CFTR: variants seen among roughly 807,000 people sequenced by gnomAD.
CFTR encodes the protein CF transmembrane conductance regulator.
In CFTR, 181 loss-of-function variants were observed where a neutral mutation model predicts 171.6. That is an observed-to-expected ratio of 1.05 (90% CI 0.93 to 1.19). CFTR has a LOEUF of 1.19. CFTR is among the 50% of genes most tolerant of loss of function. CFTR has a pLI of 0.00. For synonymous variants in CFTR, 583 were observed against 608.0 expected (o/e 0.96, Z 0.60); for missense variants, 1,968 against 1,734.7 (o/e 1.13, Z -2.39).
At chr7:117,573,489 T>C (rs1791726038) in intron 11 of CFTR, among the ~76,000 whole-genome samples, 1 of 152,110 alleles carries the variant, frequency 6.6e-6, no homozygotes, top group Non-Finnish European at 1.5e-5. Context: ...GATGAGTAGC[T>C]CAAACATTAG....
chr7:117,663,987 C>G (rs1161600130), intron 24 of CFTR, among the ~76,000 whole-genome samples: 1 of 151,748 alleles, frequency 6.6e-6, no homozygotes, highest in Non-Finnish European at 1.5e-5. Context: ...TAATACAGCC[C>G]TCATATTCTA....
intron 24 of CFTR, among the ~76,000 whole-genome samples, chr7:117,658,897 A>T (rs1793222399): frequency 6.6e-6 from 1 of 151,820 alleles, no homozygotes; most frequent in Admixed American, 6.6e-5. Flanking sequence ...ATCTTTCCAA[A>T]CCCCACATCT....
At chr7:117,483,712 G>A (rs1261034017) in intron 1 of CFTR, among the ~76,000 whole-genome samples, 2 of 151,654 alleles carry the variant, frequency 1.3e-5, no homozygotes, top group Admixed American at 1.3e-4. Flanking sequence ...GTGTACAGGT[G>A]TGTACCACCA....
At chr7:117,658,844 C>T (rs1028392694) in intron 24 of CFTR, among the ~76,000 whole-genome samples, 12 of 152,190 alleles carry the variant, frequency 7.9e-5, no homozygotes, top group African/African-American at 2.9e-4. Context: ...TCATTTCCCT[C>T]ATTGACCCCC....
intron 5 of CFTR, 40 bp downstream of exon 5, chr7:117,534,405 A>G (rs760755991): frequency 7.1e-5 from 78 of 1,092,340 alleles, no homozygotes; most frequent in Non-Finnish European, 1.1e-4. Flanking sequence ...CACTATTGTT[A>G]TAAATTATAC....
At chr7:117,517,210 T>C (rs541891041) in intron 3 of CFTR, among the ~76,000 whole-genome samples, 304 of 151,950 alleles carry the variant, frequency 2.0e-3, no homozygotes, top group African/African-American at 6.7e-3. Flanking sequence ...CTCCCCTTGC[T>C]CCCCACCCCC....
intron 11 of CFTR, among the ~76,000 whole-genome samples, chr7:117,587,408 A>T (rs1791953037): frequency 7.8e-6 from 1 of 127,852 alleles, no homozygotes; most frequent in African/African-American, 2.9e-5. Flanking sequence ...TAACATTTGA[A>T]TTTGTAAAAT....
chr7:117,498,853 G>A (rs939003057), intron 1 of CFTR, among the ~76,000 whole-genome samples: 2 of 146,126 alleles, frequency 1.4e-5, no homozygotes, highest in Admixed American at 6.9e-5. Context: ...TCCAGATTGT[G>A]TGGCCTATTT....
intron 3 of CFTR, among the ~76,000 whole-genome samples, chr7:117,515,789 A>G (rs2188159): frequency 0.25 from 38,187 of 151,966 alleles, 5,068 homozygotes; most frequent in East Asian, 0.42. Flanking sequence ...CGTAAGGACG[A>G]CACTTTTTCC....
At chr7:117,540,906 G>T (rs894841485) in intron 8 of CFTR, among the ~76,000 whole-genome samples, 1 of 151,942 alleles carries the variant, frequency 6.6e-6, no homozygotes, top group African/African-American at 2.4e-5. Flanking sequence ...AATTTGTATT[G>T]GTTGCCAGCA....
intron 22 of CFTR, among the ~76,000 whole-genome samples, chr7:117,629,842 T>A (rs1189828132): frequency 2.0e-5 from 3 of 152,222 alleles, no homozygotes; most frequent in Non-Finnish European, 4.4e-5. Context: ...TTAAACACTT[T>A]TATTTGCTAT....
At chr7:117,640,508 T>C (rs1249483676) in intron 22 of CFTR, among the ~76,000 whole-genome samples, 1 of 152,128 alleles carries the variant, frequency 6.6e-6, no homozygotes, top group African/African-American at 2.4e-5. Flanking sequence ...TGACTAATGA[T>C]AACAAGGATT....
chr7:117,530,723 T>C (rs1046848422), intron 3 of CFTR, among the ~76,000 whole-genome samples, 176 bp from the exon 4 acceptor site: 2 of 152,148 alleles, frequency 1.3e-5, no homozygotes, highest in South Asian at 4.1e-4. Context: ...ATCCCAAGTC[T>C]TATTTCAAAG....
rs1793343933 is a variant in CFTR, at chr7:117,664,800, CTGTT to C, written c.4077_4080del (p.Val1360SerfsTer19). ...AAGCAGTTGATGTGCTTGGCTAGAT[CTGTT>C]CTCAGTAAGGCGAAGATCTTGCTGC... On this transcript the variant is annotated frameshift_variant, in exon 25 of 27. Coordinates refer to ENST00000003084, the MANE Select transcript of CFTR (RefSeq NM_000492.4). LOFTEE classifies it high-confidence loss of function. The C allele has an allele frequency of 5.6e-6, 9 of 1,613,948 alleles. No individual in the cohort carries two copies. The highest frequency in any genetic ancestry group is 7.6e-6 in the Non-Finnish European group (9 of 1,179,948).
At chr7:117,521,997 T>C (rs1174726465) in intron 3 of CFTR, among the ~76,000 whole-genome samples, 1 of 152,268 alleles carries the variant, frequency 6.6e-6, no homozygotes, top group East Asian at 1.9e-4. Flanking sequence ...GAAGCTCTGG[T>C]CTTGAAGAAC....
intron 12 of CFTR, among the ~76,000 whole-genome samples, chr7:117,589,300 T>A (rs1420808691): frequency 6.6e-6 from 1 of 152,020 alleles, no homozygotes; most frequent in Admixed American, 6.6e-5. Flanking sequence ...CAAAAATAAG[T>A]TACACTATAA....
In CFTR at chr7:117,603,773, T is replaced by C. The variant is rs1554391080; in HGVS notation, c.2899T>C (p.Leu967=). Residue 967 remains leucine, a synonymous_variant, in exon 17 of 27, where the codon TTG becomes CTG. Transcript: ENST00000003084. ...AGCACCTATGTCAACCCTCAACACG[T>C]TGAAAGCAGGTACTTTACTAGGTCT... ...LQAPMSTLNT[L]KAGGILNRFS... 1 of 1,613,862 alleles carries C rather than the reference T, an allele frequency of 6.2e-7. No individual in the cohort carries two copies. Among genetic ancestry groups the C allele is most frequent in the African/African-American group, 1.3e-5 (1 of 75,028 alleles).
At chr7:117,498,816 G>GTTTTT (rs772063224) in intron 1 of CFTR, among the ~76,000 whole-genome samples, 1 of 121,328 alleles carries the variant, frequency 8.2e-6, no homozygotes. Context: ...TTCAACATTT[G>GTTTTT]TTTTTTTTTT....
rs1163971376 is a variant in CFTR at position 117,548,807 on chromosome 7, C to T, written c.1376C>T (p.Ser459Phe). The T allele has an allele frequency of 1.2e-6, 2 of 1,610,542 alleles. No homozygotes were observed. Among genetic ancestry groups the T allele is most frequent in the African/African-American group, 2.7e-5 (2 of 74,904 alleles). Residue 459 changes from serine to phenylalanine, a missense_variant, in exon 10 of 27, where the codon TCC becomes TTC. Transcript: ENST00000003084. ...GGACAGTTGTTGGCGGTTGCTGGAT[C>T]CACTGGAGCAGGCAAGGTAGTTCTT... ...ERGQLLAVAG[S>F]TGAGKTSLLM...
Sources: allele counts gnomAD v4.1 joint callset (sites outside exome capture counted in the v4.1 genomes callset), GRCh38; gene constraint gnomAD v4.1.1; transcripts MANE v1.5; gene names NCBI Gene and HGNC (gene_info 2026-07-23, HGNC 2026-07-21).